COL14A1: variants seen among roughly 807,000 people sequenced by gnomAD.
The protein encoded by COL14A1 is collagen type XIV alpha 1 chain.
COL14A1 carries 136 observed loss-of-function variants against 230.3 expected under a neutral mutation model. That is an observed-to-expected ratio of 0.59 (90% confidence interval 0.51 to 0.68). The LOEUF (loss-of-function observed/expected upper bound fraction) is 0.68, where lower values mean the gene tolerates loss of function less well. Among genes scored for constraint, COL14A1 ranks in the 30% least tolerant of loss-of-function variants. The pLI, the probability that COL14A1 is intolerant of heterozygous loss-of-function variation, is 0.00. For synonymous variants in COL14A1, 792 were observed against 784.1 expected, an observed-to-expected ratio of 1.01 and a Z score of -0.17; for missense variants, 1,976 against 2,215.8, an observed-to-expected ratio of 0.89 and a Z score of 2.17.
intron 5 of COL14A1, among the ~76,000 whole-genome samples, chr8:120,187,531 AT>A (rs1586748596): frequency 6.6e-6 from 1 of 152,198 alleles, no homozygotes; most frequent in African/African-American, 2.4e-5. Context: ...CACTAAATAG[AT>A]TTTCAAAAAA....
At chr8:120,298,594 A>ATTTT (rs1255668649) in intron 35 of COL14A1, among the ~76,000 whole-genome samples, 27 of 59,094 alleles carry the variant, frequency 4.6e-4, no homozygotes, top group Non-Finnish European at 6.1e-4. Context: ...ATACCCATAT[A>ATTTT]TTTTATATAT....
At chr8:120,192,200 T>C (rs1020100712) in intron 5 of COL14A1, among the ~76,000 whole-genome samples, 27 of 152,226 alleles carry the variant, frequency 1.8e-4, no homozygotes, top group Non-Finnish European at 3.7e-4. Flanking sequence ...TTCCTTTCCA[T>C]GTTTATTGCT....
In COL14A1 at chr8:120,310,047, T is replaced by C. The variant is rs182035194; in HGVS notation, c.4440T>C (p.Gly1480=). 90 of 1,613,434 alleles carry C rather than the reference T, an allele frequency of 5.6e-5. 2 individuals are homozygous for C. The East Asian group carries it at 2.0e-3, about 36-fold the overall frequency. ...TCCGAGGACCAAAGGGCCAGCAAGG[T>C]GAACCGGGTCCAAAGGTAATGCGCA... is the stretch of plus-strand genomic sequence containing the variant. The part of the protein sequence containing the change: ...PGLRGPKGQQ[G]EPGPKGPDGP... Residue 1480 remains glycine, a synonymous_variant, in exon 37 of 48, where the codon GGT becomes GGC. Transcript: ENST00000297848.
At chr8:120,200,956 T>G (rs1427715230) in intron 8 of COL14A1, among the ~76,000 whole-genome samples, 1 of 151,382 alleles carries the variant, frequency 6.6e-6, no homozygotes, top group Non-Finnish European at 1.5e-5. Context: ...TCTTCTTCAC[T>G]TTTTCATCCT....
chr8:120,187,349 G>A (rs146718046), intron 5 of COL14A1, among the ~76,000 whole-genome samples: 4 of 152,036 alleles, frequency 2.6e-5, no homozygotes, highest in African/African-American at 9.6e-5. Context: ...TTTATAAAGC[G>A]CTTTTTTGCA....
chr8:120,205,141 T>C (rs1300477193), intron 9 of COL14A1, among the ~76,000 whole-genome samples: 1 of 152,204 alleles, frequency 6.6e-6, no homozygotes, highest in Non-Finnish European at 1.5e-5. Context: ...GAACAATTAT[T>C]ACCAAAAATG....
intron 40 of COL14A1, among the ~76,000 whole-genome samples, chr8:120,321,886 G>A (rs930878704): frequency 1.3e-5 from 2 of 152,066 alleles, no homozygotes; most frequent in Non-Finnish European, 2.9e-5. Flanking sequence ...GCATGACTTA[G>A]GAATGTATAG....
chr8:120,203,564 A>G, intron 8 of COL14A1, 145 bp from the exon 9 acceptor site: 1 of 515,446 alleles, frequency 1.9e-6, no homozygotes, highest in Non-Finnish European at 3.2e-6. Flanking sequence ...CATTTTAAAT[A>G]AAATTTTAAA....
chr8:120,367,267 C>T lies in COL14A1; in HGVS notation c.5155+19C>T, dbSNP rs753417475. Reference sequence around the variant, plus strand: ...CCAGCAGGTAAATCTTCCTTCCTAACAAGAGACTGCAAATGTATATTTTTA... The same window carrying T: ...CCAGCAGGTAAATCTTCCTTCCTAATAAGAGACTGCAAATGTATATTTTTA... On this transcript the variant is annotated intron_variant, in intron 46 of 47. Coordinates refer to ENST00000297848, the MANE Select transcript of COL14A1 (RefSeq NM_021110.4). The T allele has an allele frequency of 1.9e-5, 30 of 1,573,748 alleles. No individual in the cohort carries two copies. The highest frequency in any genetic ancestry group is 2.7e-5 in the African/African-American group (2 of 73,368).
chr8:120,203,422 A>C (rs541085932), intron 8 of COL14A1, among the ~76,000 whole-genome samples: 1 of 151,904 alleles, frequency 6.6e-6, no homozygotes, highest in Non-Finnish European at 1.5e-5. Context: ...GCAATGGTAC[A>C]TATGCTCGCT....
chr8:120,281,171 C>A, intron 31 of COL14A1, 112 bp downstream of exon 31: 2 of 937,220 alleles, frequency 2.1e-6, no homozygotes, highest in Non-Finnish European at 3.1e-6. Context: ...TTTTCCACGA[C>A]ATTTAGAGTA....
intron 45 of COL14A1, among the ~76,000 whole-genome samples, chr8:120,350,285 C>G (rs1276397359): frequency 6.6e-6 from 1 of 151,016 alleles, no homozygotes; most frequent in East Asian, 1.9e-4. Flanking sequence ...CAAAATCATG[C>G]CAAAATGTAA....
At chr8:120,168,941 C>T (rs990926372) in intron 5 of COL14A1, among the ~76,000 whole-genome samples, 12 of 152,234 alleles carry the variant, frequency 7.9e-5, no homozygotes, top group Middle Eastern at 3.4e-3. Flanking sequence ...CTGCAACCTC[C>T]GCCTCCTGGG....
chr8:120,160,654 C>T (rs1815632948), intron 3 of COL14A1, among the ~76,000 whole-genome samples: 1 of 152,204 alleles, frequency 6.6e-6, no homozygotes. Context: ...TCAGTCTTGA[C>T]AATCTGGTAT....
At chr8:120,155,919 C>G (rs76566169) in intron 2 of COL14A1, among the ~76,000 whole-genome samples, 3,810 of 152,210 alleles carry the variant, frequency 0.025, 56 homozygotes, top group African/African-American at 0.039. Context: ...TAAATTTATG[C>G]TTTCTCATTA....
chr8:120,338,358 A>T (rs1238257739), intron 42 of COL14A1, among the ~76,000 whole-genome samples: 7 of 152,214 alleles, frequency 4.6e-5, no homozygotes, highest in African/African-American at 1.7e-4. Flanking sequence ...CTTTCAACAG[A>T]GTGGTAGAGT....
At chr8:120,327,770 CT>C (rs71306874) in intron 40 of COL14A1, among the ~76,000 whole-genome samples, 3,487 of 145,226 alleles carry the variant, frequency 0.024, 99 homozygotes, top group African/African-American at 0.078. Flanking sequence ...TAGTGCAATA[CT>C]TTTTTTTTTT....
intron 5 of COL14A1, among the ~76,000 whole-genome samples, chr8:120,172,165 G>A (rs1357046793): frequency 6.6e-6 from 1 of 151,888 alleles, no homozygotes; most frequent in African/African-American, 2.4e-5. Flanking sequence ...TTGTTTGTTT[G>A]TTTGAGATGG....
intron 6 of COL14A1, among the ~76,000 whole-genome samples, chr8:120,197,424 T>C (rs1817076003): frequency 1.3e-5 from 2 of 152,180 alleles, no homozygotes; most frequent in African/African-American, 4.8e-5. Context: ...ATAATAAAAA[T>C]AATAAATCTT....
Sources: allele counts gnomAD v4.1 joint callset (sites outside exome capture counted in the v4.1 genomes callset), GRCh38; gene constraint gnomAD v4.1.1; transcripts MANE v1.5; gene names NCBI Gene and HGNC (gene_info 2026-07-23, HGNC 2026-07-21).